PCBP3: variants seen among roughly 807,000 people sequenced by gnomAD.
The protein encoded by PCBP3 is poly(rC)-binding protein 3.
PCBP3 carries 25 observed loss-of-function variants against 52.7 expected under a neutral mutation model. That is an observed-to-expected ratio of 0.47 (90% CI 0.35 to 0.66). The LOEUF is 0.66. PCBP3 is among the 30% of genes least tolerant of loss of function. PCBP3 has a pLI of 0.01. For synonymous variants in PCBP3, 162 were observed against 183.0 expected, an observed-to-expected ratio of 0.89 and a Z score of 0.93; for missense variants, 391 against 490.3, an observed-to-expected ratio of 0.80 and a Z score of 1.91.
intron 4 of PCBP3, among the ~76,000 whole-genome samples, chr21:45,798,108 G>A (rs375182942): frequency 0.072 from 170 of 2,362 alleles, no homozygotes; most frequent in Middle Eastern, 0.43. Flanking sequence ...GAGTGAATAC[G>A]TGGATGGACA....
intron 8 of PCBP3, 71 bp downstream of exon 8, chr21:45,900,694 C>A: frequency 9.2e-7 from 1 of 1,087,202 alleles, no homozygotes; most frequent in South Asian, 1.3e-5. Context: ...AGGCTCTGCC[C>A]CTGCCGACGT....
At chr21:45,663,861 C>G (rs139125809) in intron 1 of PCBP3, among the ~76,000 whole-genome samples, 20 of 151,960 alleles carry the variant, frequency 1.3e-4, no homozygotes, top group African/African-American at 4.8e-4. Context: ...CTTTTTGGTT[C>G]CATATGAATT....
intron 1 of PCBP3, among the ~76,000 whole-genome samples, chr21:45,661,169 ATAGATT>A (rs1224738202): frequency 6.6e-6 from 1 of 152,190 alleles, no homozygotes; most frequent in Non-Finnish European, 1.5e-5. Context: ...CAATTTAAAA[ATAGATT>A]TAGAGGGAAC....
At chr21:45,772,014 AC>A (rs941706728) in intron 4 of PCBP3, among the ~76,000 whole-genome samples, 12 of 152,368 alleles carry the variant, frequency 7.9e-5, no homozygotes, top group African/African-American at 2.9e-4. Context: ...ATTTAATTAT[AC>A]AAATTTATGG....
At chr21:45,811,191 C>T (rs1483268717) in intron 4 of PCBP3, among the ~76,000 whole-genome samples, 1 of 152,178 alleles carries the variant, frequency 6.6e-6, no homozygotes. Flanking sequence ...GGCCACCTTC[C>T]AACATCACCA....
At chr21:45,744,918 A>G (rs911511550) in intron 3 of PCBP3, among the ~76,000 whole-genome samples, 3 of 152,124 alleles carry the variant, frequency 2.0e-5, no homozygotes, top group African/African-American at 4.8e-5. Flanking sequence ...TTTAAGTATC[A>G]TGTTTGCCCT....
chr21:45,702,051 G>C (rs1420337636), intron 2 of PCBP3, among the ~76,000 whole-genome samples: 3 of 152,118 alleles, frequency 2.0e-5, no homozygotes, highest in Admixed American at 6.5e-5. Flanking sequence ...ACATGAATAG[G>C]TGGCTAGAAA....
intron 5 of PCBP3, among the ~76,000 whole-genome samples, chr21:45,851,109 C>T (rs1448181975): frequency 6.6e-6 from 1 of 152,040 alleles, no homozygotes; most frequent in African/African-American, 2.4e-5. Flanking sequence ...GAGAGAAAGC[C>T]CAAGGATCCA....
chr21:45,653,899 T>G (rs1603116187), intron 1 of PCBP3, among the ~76,000 whole-genome samples: 1 of 152,280 alleles, frequency 6.6e-6, no homozygotes, highest in Non-Finnish European at 1.5e-5. Flanking sequence ...ATTGTCCTAT[T>G]TTTTGTTCTT....
chr21:45,915,211 C>T (rs1415589705), intron 12 of PCBP3: 1 of 152,194 alleles, frequency 6.6e-6, no homozygotes, highest in Non-Finnish European at 1.5e-5. Flanking sequence ...CATTTTATAG[C>T]CAGGAAACTG....
At chr21:45,781,613 C>T (rs750865893) in intron 4 of PCBP3, among the ~76,000 whole-genome samples, 1 of 152,190 alleles carries the variant, frequency 6.6e-6, no homozygotes, top group Non-Finnish European at 1.5e-5. Flanking sequence ...TACCTACCAA[C>T]ATCCCACTAG....
chr21:45,870,038 A>G (rs1305012446), intron 5 of PCBP3, among the ~76,000 whole-genome samples: 1 of 150,124 alleles, frequency 6.7e-6, no homozygotes, highest in Non-Finnish European at 1.5e-5. Context: ...TTTTTATTGA[A>G]TTTATTTTTG....
At chr21:45,726,592 C>G (rs1034454341) in intron 2 of PCBP3, among the ~76,000 whole-genome samples, 1 of 152,194 alleles carries the variant, frequency 6.6e-6, no homozygotes, top group Non-Finnish European at 1.5e-5. Context: ...ATGATCCCGC[C>G]AGGCCTGTCC....
rs947666394 is a variant in PCBP3, at chr21:45,791,219, T to C, written c.-126+35767T>C. ...TGAAGACAGGAATCGGTATGAGATA[T>C]GCATATTTATATGTTTTTGATGTAC... On this transcript the variant is annotated intron_variant, in intron 4 of 17. Transcript: ENST00000681687. This position sits in a 1 kb window ranked among gnomAD's most constrained non-coding sequence, Gnocchi z 4.2. 2.0e-5 allele frequency among the ~76,000 whole-genome samples: 3 copies of C among 152,216 alleles called. No homozygotes were observed. The highest frequency in any genetic ancestry group is 4.8e-5 in the African/African-American group (2 of 41,460).
In PCBP3 at chr21:45,900,660, C is replaced by T. The variant is rs752354242; in HGVS notation, c.222+37C>T. 7 of 1,111,040 alleles carry T rather than the reference C, an allele frequency of 6.3e-6. No individual in the cohort carries two copies. In the African/African-American group the frequency reaches 9.2e-5, roughly 15 times the overall value. The allele number at this position is 1,111,040 out of a possible 1,614,324, so 68.8% of individuals were successfully genotyped here. ...GGGTCCCCACCTGTCCGCAGCCATT[C>T]CCGGGTGGGCGGGGTGGGTCCCCAG... On this transcript the variant is annotated intron_variant, in intron 8 of 17. Coordinates refer to ENST00000681687, the MANE Select transcript of PCBP3 (RefSeq NM_001384156.1).
intron 5 of PCBP3, among the ~76,000 whole-genome samples, chr21:45,862,688 T>G (rs1190424594): frequency 6.6e-6 from 1 of 152,252 alleles, no homozygotes; most frequent in East Asian, 1.9e-4. Context: ...CTGTGCCTTG[T>G]CTGGCATCAG....
chr21:45,663,313 G>A (rs890781682), intron 1 of PCBP3, among the ~76,000 whole-genome samples: 2 of 151,688 alleles, frequency 1.3e-5, no homozygotes, highest in African/African-American at 2.4e-5. Flanking sequence ...AAATAACAGC[G>A]CAGCCTGGCA....
intron 4 of PCBP3, among the ~76,000 whole-genome samples, chr21:45,801,333 A>G (rs371286462): frequency 6.6e-6 from 1 of 152,030 alleles, no homozygotes; most frequent in Admixed American, 6.5e-5. Context: ...GCCCTTGTCT[A>G]CCCACCTCCT....
At chr21:45,874,045 C>T (rs1019336383) in intron 5 of PCBP3, among the ~76,000 whole-genome samples, 6 of 151,768 alleles carry the variant, frequency 4.0e-5, no homozygotes, top group African/African-American at 7.3e-5. Context: ...CCACCACGCC[C>T]GGCCCAGGCT....
Sources: gnomAD v4.1 joint callset for allele counts (sites outside exome capture counted in the v4.1 genomes callset) on GRCh38, gnomAD v4.1.1 for gene constraint, Gnocchi (gnomAD v3.1) non-coding constraint, MANE v1.5 for transcripts, NCBI Gene and HGNC (gene_info 2026-07-23, HGNC 2026-07-21) for gene names.